The following ZZEF1 variants were observed in gnomAD, a reference collection of about 807,000 sequenced individuals.
ZZEF1 encodes the protein zinc finger ZZ-type and EF-hand domain-containing protein 1.
A neutral mutation model predicts 342.8 loss-of-function variants in ZZEF1; 157 were observed. The observed-to-expected ratio is 0.46, with a 90% CI of 0.40 to 0.52. The LOEUF (loss-of-function observed/expected upper bound fraction) is 0.52. ZZEF1 is among the 20% of genes least tolerant of loss of function. The pLI is 0.00. For synonymous variants in ZZEF1, 1,505 were observed against 1,429.1 expected, an observed-to-expected ratio of 1.05 and a Z score of -1.20; for missense variants, 3,480 against 3,725.6, an observed-to-expected ratio of 0.93 and a Z score of 1.72.
chr17:4,051,948 G>A (rs2057056813), intron 35 of ZZEF1, 23 bp downstream of exon 35: 1 of 1,596,654 alleles, frequency 6.3e-7, no homozygotes, highest in Non-Finnish European at 8.6e-7. Context: ...AAGGCTTGGT[G>A]GCGACGGTCA....
chr17:4,064,599 G>T lies in ZZEF1; in HGVS notation c.4480C>A (p.Gln1494Lys). 1 of 1,614,190 alleles carries T rather than the reference G, an allele frequency of 6.2e-7. No individual in the cohort carries two copies. Among genetic ancestry groups the T allele is most frequent in the Non-Finnish European group, 8.5e-7 (1 of 1,180,034 alleles). Residue 1494 changes from glutamine (Q) to lysine (K), a missense_variant, in exon 29 of 55, where the codon CAG becomes AAG. Physicochemically the swap from Gln to Lys is moderately conservative, Grantham distance 53. Transcript: ENST00000381638. ...CCACTGCTGGATGGCAGCTTTGGCT[G>T]GGTGCCCAGGCCAGGACTCTGGTCT... ...TGDQSPGLGTQPKLPSSSGLP... is the reference protein window; with the variant it reads ...TGDQSPGLGTKPKLPSSSGLP...
chr17:4,022,626 G>A, intron 44 of ZZEF1, 83 bp downstream of exon 44: 1 of 1,592,984 alleles, frequency 6.3e-7, no homozygotes, highest in Non-Finnish European at 8.6e-7. Context: ...GGCAGAAGCA[G>A]CTGGAACTCG....
Position 4,104,801 on chromosome 17 carries a change from T to C in ZZEF1, c.1405A>G (p.Thr469Ala). 3.7e-6 allele frequency: 6 copies of C among 1,613,242 alleles called. No individual in the cohort carries two copies. The highest frequency in any genetic ancestry group is 5.1e-6 in the Non-Finnish European group (6 of 1,179,756). Residue 469 changes from threonine to alanine, a missense_variant, in exon 8 of 55, where the codon ACC (threonine) becomes GCC (alanine). Transcript: ENST00000381638. ...FLIRITSCCSTPEVELTLLAF... is the reference protein window; with the variant it reads ...FLIRITSCCSAPEVELTLLAF... Reference sequence around the variant, plus strand: ...AGAAGAGTCAGTTCTACCTCTGGGGTAGAACAGCAGCTATAAGCAAAGAGC... The same window carrying C: ...AGAAGAGTCAGTTCTACCTCTGGGGCAGAACAGCAGCTATAAGCAAAGAGC...
At chr17:4,036,801 ACACACACACACACACACTCT>A (rs1484234485) in intron 39 of ZZEF1, among the ~76,000 whole-genome samples, 1 of 108,900 alleles carries the variant, frequency 9.2e-6, no homozygotes, top group Non-Finnish European at 1.9e-5. Flanking sequence ...ACACACACAC[ACACACACACACACACACTCT>A]CTCTCTCTCT....
At chr17:4,069,468 G>A (rs1259425394) in intron 26 of ZZEF1, among the ~76,000 whole-genome samples, 1 of 152,124 alleles carries the variant, frequency 6.6e-6, no homozygotes, top group African/African-American at 2.4e-5. Flanking sequence ...TTAACAATCA[G>A]AAAATAAATT....
chr17:4,022,589 A>T, intron 44 of ZZEF1, 120 bp downstream of exon 44: 1 of 1,426,726 alleles, frequency 7.0e-7, no homozygotes, highest in Non-Finnish European at 9.6e-7. Context: ...GGGAGTTTTC[A>T]ACACTGTACT....
rs1431649932 is a variant in ZZEF1 at position 4,142,838 on chromosome 17, C to T, written c.58G>A (p.Gly20Ser). 2 of 1,398,622 alleles carry T rather than the reference C, an allele frequency of 1.4e-6. No homozygotes were observed. The highest frequency in any genetic ancestry group is 7.1e-5 in the Admixed American group (2 of 27,986). 86.6% of individuals were successfully genotyped at this position (1,398,622 alleles called of 1,614,324 possible). ...EDEAAAAGGE[G>S]WGPHQDWAAV... is the part of the protein sequence containing the mutation. ...GCCCAGTCCTGGTGTGGGCCCCAGC[C>T]CTCGCCACCGGCAGCTGCCGCTTCG... Residue 20 changes from glycine to serine, a missense_variant, in exon 1 of 55, where the codon GGC becomes AGC. Physicochemically the swap from Gly to Ser is moderately conservative, Grantham distance 56. Transcript: ENST00000381638.
chr17:4,054,564 A>G (rs1223498031), intron 33 of ZZEF1, among the ~76,000 whole-genome samples: 1 of 152,234 alleles, frequency 6.6e-6, no homozygotes, highest in East Asian at 1.9e-4. Flanking sequence ...AGATAGAAAT[A>G]GCAAATTTGA....
In ZZEF1 at chr17:4,087,527, T is replaced by C; in HGVS notation, c.2249A>G (p.Gln750Arg). 1 of 1,604,874 alleles carries C rather than the reference T, an allele frequency of 6.2e-7. No individual in the cohort carries two copies. Among genetic ancestry groups the C allele is most frequent in the Non-Finnish European group, 8.5e-7 (1 of 1,177,650 alleles). The change falls in exon 14 of 55, where the codon CAG becomes CGG. Residue 750 changes from glutamine to arginine, a missense_variant. Gln to Arg is a conservative substitution (Grantham distance 43, BLOSUM62 1). This residue lies in a region of ZZEF1 where 1,528 missense variants were observed against 1,624.1 expected (regional missense o/e 0.94). Transcript: ENST00000381638. Reference sequence around the variant, plus strand: ...TTTATATTTTAAGCCACTTTCCTTCTGCTGCACCTAAAAAATTATAAAGAT... The same window carrying C: ...TTTATATTTTAAGCCACTTTCCTTCCGCTGCACCTAAAAAATTATAAAGAT... ...IQQLAHDLVQ[Q>R]KESGLKYKSF...
chr17:4,044,304 A>G lies in ZZEF1; in HGVS notation c.6086T>C (p.Val2029Ala). 6.2e-7 allele frequency: 1 copy of G among 1,614,060 alleles called. No homozygotes were observed. The highest frequency in any genetic ancestry group is 8.5e-7 in the Non-Finnish European group (1 of 1,179,932). ...FKQRNKADKG[V>A]SLSKDPSCQT... ...GCATGAAGGATCCTTCGATAATGAT[A>G]CACCTTTATCTGCCTTATTTCTCTG... Residue 2029 changes from valine to alanine, a missense_variant, in exon 38 of 55, where the codon GTA (valine) becomes GCA (alanine). Physicochemically the swap from Val to Ala is moderately conservative, Grantham distance 64. Around this residue, in one of 5 missense-constraint regions of ZZEF1, gnomAD observed 1,269 missense variants for 1,342.4 expected, o/e 0.95. Transcript: ENST00000381638.
chr17:4,133,341 A>T (rs771958113), intron 1 of ZZEF1, among the ~76,000 whole-genome samples: 11 of 152,292 alleles, frequency 7.2e-5, no homozygotes, highest in East Asian at 3.9e-4. Context: ...ACCTTGCCTG[A>T]GGTCACACAG....
At chr17:4,106,026 T>G (rs1327975796) in intron 6 of ZZEF1, among the ~76,000 whole-genome samples, 1 of 152,136 alleles carries the variant, frequency 6.6e-6, no homozygotes, top group Non-Finnish European at 1.5e-5. Context: ...CTCGGCTCAC[T>G]GCAACCTCCA....
rs1258284026 is a variant in ZZEF1 at position 4,076,889 on chromosome 17, A to G, written c.3090T>C (p.Phe1030=). ...TIVERLCNSV[F]SMAARQLVIF... ...TTACCAGTTGACGAGCTGCCATTGA[A>G]AACACTGAGTTACATAATCTTTCTA... Residue 1030 remains phenylalanine, a synonymous_variant, in exon 20 of 55, where the codon TTT becomes TTC. Coordinates refer to ENST00000381638, the MANE Select transcript of ZZEF1 (RefSeq NM_015113.4). The G allele has an allele frequency of 6.2e-7, 1 of 1,614,186 alleles. No homozygotes were observed. The highest frequency in any genetic ancestry group is 1.1e-5 in the South Asian group (1 of 91,074).
intron 52 of ZZEF1, among the ~76,000 whole-genome samples, chr17:4,012,071 C>T (rs1000743200): frequency 2.6e-5 from 4 of 152,248 alleles, no homozygotes; most frequent in African/African-American, 9.6e-5. Context: ...AAGAAGGTTG[C>T]CAATGGCCAG....
intron 19 of ZZEF1, among the ~76,000 whole-genome samples, chr17:4,077,504 C>T (rs2057645763): frequency 6.6e-6 from 1 of 152,178 alleles, no homozygotes; most frequent in Non-Finnish European, 1.5e-5. Flanking sequence ...CAGCAATGGT[C>T]ACAATGCTCA....
At chr17:4,112,013 A>T in intron 5 of ZZEF1, among the ~76,000 whole-genome samples, 1 of 101,092 alleles carries the variant, frequency 9.9e-6, no homozygotes, top group South Asian at 3.3e-4. Flanking sequence ...AGCCTGGGTG[A>T]CAAAAAGAGA....
Position 4,070,869 on chromosome 17 carries a change from G to C in ZZEF1, c.3890C>G (p.Ser1297Ter). Residue 1297 changes from serine to a stop codon, truncating the protein, a stop_gained, in exon 26 of 55, where the codon TCA becomes TGA. Coordinates refer to ENST00000381638, the MANE Select transcript of ZZEF1 (RefSeq NM_015113.4). LOFTEE classifies it high-confidence loss of function. ...CCCACAGAAGTTCTGAGCAGGCTCT[G>C]ACTGGGCAAAATCAAGAAGAAAATG... ...CRHFLLDFAQSEPAQNFCGPY... is the reference protein window; with the variant it reads ...CRHFLLDFAQ 6.2e-7 allele frequency: 1 copy of C among 1,614,134 alleles called. No individual in the cohort carries two copies. Among genetic ancestry groups the C allele is most frequent in the Non-Finnish European group, 8.5e-7 (1 of 1,180,028 alleles).
chr17:4,025,199 A>G (rs1401087381), intron 42 of ZZEF1, 81 bp from the exon 43 acceptor site: 1 of 1,322,828 alleles, frequency 7.6e-7, no homozygotes, highest in East Asian at 2.4e-5. Context: ...CTATAGTAAC[A>G]TGCCTTACTA....
intron 42 of ZZEF1, among the ~76,000 whole-genome samples, chr17:4,026,892 AATT>A (rs2056418926): frequency 6.6e-6 from 1 of 152,104 alleles, no homozygotes; most frequent in African/African-American, 2.4e-5. Context: ...TACCTGGCAA[AATT>A]ATCTTTCAAA....
Sources: allele counts gnomAD v4.1 joint callset (sites outside exome capture counted in the v4.1 genomes callset), GRCh38; gene constraint gnomAD v4.1.1; regional missense constraint gnomAD v4.1.1; transcripts MANE v1.5; gene names NCBI Gene and HGNC (gene_info 2026-07-23, HGNC 2026-07-21).